Variants in NCAM2 observed in about 807,000 individuals in gnomAD.
NCAM2 encodes the protein neural cell adhesion molecule 2.
Under a neutral mutation model 98.1 loss-of-function variants are expected in NCAM2, and 30 were observed. The observed-to-expected ratio is 0.31, with a 90% confidence interval of 0.23 to 0.41. NCAM2 has a LOEUF of 0.41. Ranked by LOEUF, NCAM2 falls within the 10% of genes least tolerant of loss-of-function variation. NCAM2 has a pLI of 1.00. For synonymous variants in NCAM2, 368 were observed against 342.4 expected (o/e 1.07, Z -0.83); for missense variants, 867 against 1,005.8 (o/e 0.86, Z 1.87).
intron 1 of NCAM2, among the ~76,000 whole-genome samples, chr21:21,060,752 T>C (rs1331232943): frequency 6.6e-6 from 1 of 152,098 alleles, no homozygotes; most frequent in East Asian, 1.9e-4. Context: ...GAAGAGCCCA[T>C]TTTTAACCTA....
Position 21,389,789 on chromosome 21 carries a change from G to A in NCAM2, c.1195+15776G>A, listed in dbSNP as rs189637879. ...GGCTGAATAACATTCCATTGTGTAC[G>A]TGTCTCACATTTTCTTTATCCATTC... On this transcript the variant is annotated intron_variant, in intron 9 of 17. Transcript: ENST00000400546. 4.6e-5 allele frequency among the ~76,000 whole-genome samples: 7 copies of A among 152,194 alleles called. No homozygotes were observed. In the South Asian group the frequency reaches 8.3e-4, roughly 18 times the overall value.
At chr21:21,055,526 A>G (rs1441160357) in intron 1 of NCAM2, among the ~76,000 whole-genome samples, 1 of 152,072 alleles carries the variant, frequency 6.6e-6, no homozygotes, top group Admixed American at 6.6e-5. Flanking sequence ...CTGAGAGCAG[A>G]CCTGCTTACC....
chr21:21,129,521 T>C (rs1190426254), intron 1 of NCAM2, among the ~76,000 whole-genome samples: 3 of 152,130 alleles, frequency 2.0e-5, no homozygotes, highest in Non-Finnish European at 4.4e-5. Context: ...CTGGATGGGT[T>C]ATATACAACA....
At chr21:21,301,105 G>T (rs1196397447) in intron 5 of NCAM2, among the ~76,000 whole-genome samples, 1 of 151,964 alleles carries the variant, frequency 6.6e-6, no homozygotes, top group East Asian at 1.9e-4. Context: ...TTGATGATCT[G>T]TTTAAGTCCC....
chr21:21,261,399 C>G (rs1211633512), intron 1 of NCAM2, among the ~76,000 whole-genome samples: 1 of 151,828 alleles, frequency 6.6e-6, no homozygotes, highest in African/African-American at 2.4e-5. Context: ...CTTTTTTTTC[C>G]CCTCATCTGT....
At chr21:21,498,126 C>A (rs756687160) in intron 15 of NCAM2, among the ~76,000 whole-genome samples, 2 of 151,878 alleles carry the variant, frequency 1.3e-5, no homozygotes. Flanking sequence ...TCATTATATA[C>A]GTATGTGAAA....
intron 8 of NCAM2, among the ~76,000 whole-genome samples, chr21:21,371,995 A>G (rs1188067294): frequency 6.6e-6 from 1 of 151,806 alleles, no homozygotes; most frequent in Non-Finnish European, 1.5e-5. Context: ...ATGACACAGT[A>G]GAAAGAATAG....
chr21:21,122,385 T>G (rs1390041783), intron 1 of NCAM2, among the ~76,000 whole-genome samples: 1 of 152,210 alleles, frequency 6.6e-6, no homozygotes, highest in African/African-American at 2.4e-5. Flanking sequence ...CCTAATTTAG[T>G]AACAGGAAGA....
At chr21:21,075,511 G>A (rs62207594) in intron 1 of NCAM2, among the ~76,000 whole-genome samples, 26,243 of 151,982 alleles carry the variant, frequency 0.17, 2,484 homozygotes, top group Non-Finnish European at 0.19. Flanking sequence ...TAGAAATGGC[G>A]AGGACAGATG....
rs566607944 is a variant in NCAM2 at position 21,335,313 on chromosome 21, T to G, written c.738-192T>G. ...TCTTGTGTTTACATTCAAAAAAAAT[T>G]TCAAGTATAATTTTATTGTTTATTC... On this transcript the variant is annotated intron_variant, in intron 6 of 17. Transcript: ENST00000400546. Among the ~76,000 whole-genome samples the G allele has an allele frequency of 1.5e-3, 226 of 152,264 alleles. 2 individuals carry two copies. The highest frequency in any genetic ancestry group is 5.3e-3 in the African/African-American group (219 of 41,564).
Position 21,418,550 on chromosome 21 carries a change from A to G in NCAM2, c.1461A>G (p.Glu487=), listed in dbSNP as rs1216501371. The change falls in exon 11 of 18, where the codon GAA becomes GAG. Residue 487 remains glutamate (E), a synonymous_variant. Transcript: ENST00000400546. Reference sequence around the variant, plus strand: ...ATCATATAGGAACAAGATTTCAAGAATATATTCTTGCTTTGGCTGGTAAGT... The same window carrying G: ...ATCATATAGGAACAAGATTTCAAGAGTATATTCTTGCTTTGGCTGGTAAGT... ...ATNHIGTRFQ[E]YILALADVPS... 1 of 1,610,274 alleles carries G rather than the reference A, an allele frequency of 6.2e-7. No individual in the cohort carries two copies. The highest frequency in any genetic ancestry group is 1.7e-5 in the Admixed American group (1 of 60,010).
chr21:21,436,899 T>C (rs1313384863), intron 12 of NCAM2, among the ~76,000 whole-genome samples: 1 of 151,730 alleles, frequency 6.6e-6, no homozygotes, highest in East Asian at 1.9e-4. Context: ...GTAGCTGAGA[T>C]TACAGGTGTG....
intron 8 of NCAM2, among the ~76,000 whole-genome samples, chr21:21,371,546 T>C (rs1216885572): frequency 1.3e-5 from 2 of 151,794 alleles, no homozygotes; most frequent in African/African-American, 2.4e-5. Flanking sequence ...GTGCGTATTC[T>C]TGCTTCTCTC....
intron 1 of NCAM2, among the ~76,000 whole-genome samples, chr21:21,211,553 A>T (rs987684958): frequency 3.3e-5 from 5 of 152,220 alleles, no homozygotes; most frequent in Admixed American, 3.3e-4. Flanking sequence ...TACAGAAAAT[A>T]ACTAGGCTAA....
chr21:21,452,555 A>G (rs1474049622), intron 12 of NCAM2, among the ~76,000 whole-genome samples: 2 of 114,986 alleles, frequency 1.7e-5, no homozygotes, highest in Non-Finnish European at 3.5e-5. Flanking sequence ...TATAATATAT[A>G]CTATATATAG....
intron 1 of NCAM2, among the ~76,000 whole-genome samples, chr21:21,016,195 GA>G: frequency 6.6e-6 from 1 of 152,158 alleles, no homozygotes; most frequent in Non-Finnish European, 1.5e-5. Context: ...CTGATGGGAA[GA>G]TCTGCCTCCC....
At chr21:21,386,192 T>A (rs1443899509) in intron 9 of NCAM2, among the ~76,000 whole-genome samples, 1 of 152,144 alleles carries the variant, frequency 6.6e-6, no homozygotes, top group Non-Finnish European at 1.5e-5. Flanking sequence ...ATATATAAAG[T>A]GATTTTACTA....
Position 21,538,008 on chromosome 21 carries a change from G to A in NCAM2, c.*51G>A, listed in dbSNP as rs571507939. The A allele has an allele frequency of 1.5e-4, 164 of 1,099,866 alleles. 2 individuals carry two copies. In the East Asian group the frequency reaches 3.7e-3, roughly 25 times the overall value. 68.1% of individuals were successfully genotyped at this position (1,099,866 alleles called of 1,614,324 possible). On this transcript the variant is annotated 3_prime_UTR_variant, in exon 18 of 18. Coordinates refer to ENST00000400546, the MANE Select transcript of NCAM2 (RefSeq NM_004540.5). ...ACACTACGAAGAGTATTTGGATTGC[G>A]TGACCCTATGACCAAAACTATTCCA...
intron 12 of NCAM2, among the ~76,000 whole-genome samples, chr21:21,459,093 A>T (rs1982581537): frequency 6.6e-6 from 1 of 152,188 alleles, no homozygotes; most frequent in Non-Finnish European, 1.5e-5. Context: ...AGGTATATGA[A>T]ACGGTGCTCA....
Sources: allele counts gnomAD v4.1 joint callset (sites outside exome capture counted in the v4.1 genomes callset), GRCh38; gene constraint gnomAD v4.1.1; transcripts MANE v1.5; gene names NCBI Gene and HGNC (gene_info 2026-07-23, HGNC 2026-07-21).